LHFPL7: variants seen among roughly 807,000 people sequenced by gnomAD.
LHFPL7 encodes LHFPL tetraspan subfamily member 7.
chr22:24,938,993 T>G, the LHFPL7 span, among the ~76,000 whole-genome samples: 1 of 152,204 alleles, frequency 6.6e-6, no homozygotes, highest in Non-Finnish European at 1.5e-5. Context: ...CTTTTCCTAA[T>G]TTGCACGAAG....
chr22:24,946,240 G>A, the LHFPL7 span, among the ~76,000 whole-genome samples: 1 of 151,678 alleles, frequency 6.6e-6, no homozygotes, highest in African/African-American at 2.4e-5. Context: ...AACCCGGAAG[G>A]CGGAGGTTGC....
chr22:24,940,026 C>T, the LHFPL7 span, among the ~76,000 whole-genome samples: 1 of 145,120 alleles, frequency 6.9e-6, no homozygotes, highest in Non-Finnish European at 1.5e-5. Flanking sequence ...CTCCCGGGGT[C>T]ACGCCATTCT....
At chr22:24,940,636 CCCTTCCTTCCTT>C in the LHFPL7 span, among the ~76,000 whole-genome samples, 19 of 61,078 alleles carry the variant, frequency 3.1e-4, no homozygotes, top group African/African-American at 6.7e-4. Flanking sequence ...CATATGCCCG[CCCTTCCTTCCTT>C]CCTTCCTTCC....
At chr22:24,939,923 G>GATT in the LHFPL7 span, among the ~76,000 whole-genome samples, 1 of 77,968 alleles carries the variant, frequency 1.3e-5, no homozygotes, top group Non-Finnish European at 2.4e-5. Context: ...TTCATTTATC[G>GATT]CTTTTTTTTT....
chr22:24,941,933 G>A, the LHFPL7 span, among the ~76,000 whole-genome samples: 1 of 151,794 alleles, frequency 6.6e-6, no homozygotes, highest in Admixed American at 6.6e-5. Context: ...CTAAAGTGCT[G>A]GGATTACACG....
chr22:24,938,051 G>T, the LHFPL7 span: 3,646 of 1,485,836 alleles, frequency 2.5e-3, 74 homozygotes, highest in African/African-American at 0.046. Context: ...GACCCGAGAG[G>T]CCAGGCTCTG....
At chr22:24,942,283 C>T in the LHFPL7 span, among the ~76,000 whole-genome samples, 619 of 152,316 alleles carry the variant, frequency 4.1e-3, 3 homozygotes, top group African/African-American at 0.014. Flanking sequence ...TGTGAGCCAC[C>T]GCGCCCGGCC....
the LHFPL7 span, among the ~76,000 whole-genome samples, chr22:24,937,494 G>A: frequency 6.6e-6 from 1 of 152,222 alleles, no homozygotes; most frequent in African/African-American, 2.4e-5. Flanking sequence ...GGAAGTGATT[G>A]GAGGGTGGAT....
chr22:24,938,302 C>T, the LHFPL7 span: 3 of 1,613,864 alleles, frequency 1.9e-6, no homozygotes, highest in East Asian at 2.2e-5. Context: ...AGGGAAGAGA[C>T]AGGAGGAAAA....
chr22:24,940,335 TG>T, the LHFPL7 span, among the ~76,000 whole-genome samples: 1 of 149,092 alleles, frequency 6.7e-6, no homozygotes, highest in Non-Finnish European at 1.5e-5. Flanking sequence ...GGCTCACGCC[TG>T]TAATCCCAGC....
At chr22:24,945,074 C>T in the LHFPL7 span, among the ~76,000 whole-genome samples, 2 of 152,132 alleles carry the variant, frequency 1.3e-5, no homozygotes, top group East Asian at 3.9e-4. Context: ...TCCCAAAGTG[C>T]TGGGATTACA....
chr22:24,938,102 A>ATTCCT, the LHFPL7 span: 1 of 1,348,056 alleles, frequency 7.4e-7, no homozygotes, highest in Non-Finnish European at 1.0e-6. Flanking sequence ...CATTCATTCC[A>ATTCCT]TAAATATGTC....
chr22:24,938,236 T>C, the LHFPL7 span: 1 of 1,613,664 alleles, frequency 6.2e-7, no homozygotes, highest in Non-Finnish European at 8.5e-7. Flanking sequence ...AGGAGGAAAA[T>C]TGCATTGAAG....
the LHFPL7 span, chr22:24,939,505 G>T: frequency 1.1e-5 from 8 of 703,056 alleles, no homozygotes; most frequent in South Asian, 7.4e-5. Flanking sequence ...GTCAGAGAGA[G>T]CCCCAGAGCT....
the LHFPL7 span, among the ~76,000 whole-genome samples, chr22:24,936,412 A>G: frequency 6.6e-6 from 1 of 152,182 alleles, no homozygotes. Flanking sequence ...CAATGTATCC[A>G]TCTATTCATC....
the LHFPL7 span, among the ~76,000 whole-genome samples, chr22:24,945,526 A>G: frequency 6.6e-6 from 1 of 152,232 alleles, no homozygotes; most frequent in African/African-American, 2.4e-5. Flanking sequence ...ACAGGCAAGG[A>G]TGCCTCTAGG....
chr22:24,940,436 A>G, the LHFPL7 span, among the ~76,000 whole-genome samples: 3 of 149,138 alleles, frequency 2.0e-5, no homozygotes, highest in African/African-American at 7.3e-5. Flanking sequence ...TACTAAAAAT[A>G]CAAAAAAAAA....
At chr22:24,940,458 T>C in the LHFPL7 span, among the ~76,000 whole-genome samples, 75 of 150,248 alleles carry the variant, frequency 5.0e-4, 1 homozygote, top group Non-Finnish European at 9.1e-4. Context: ...TAGCCGGGCG[T>C]GGGAGCGGGC....
At chr22:24,938,298 G>A in the LHFPL7 span, 3 of 1,611,984 alleles carry the variant, frequency 1.9e-6, no homozygotes, top group South Asian at 1.1e-5. Flanking sequence ...CTGCAGGGAA[G>A]AGACAGGAGG....
Sources: gnomAD v4.1 joint callset for allele counts (sites outside exome capture counted in the v4.1 genomes callset) on GRCh38, gnomAD v4.1.1 for gene constraint, MANE v1.5 for transcripts, NCBI Gene and HGNC (gene_info 2026-07-23, HGNC 2026-07-21) for gene names.